SPOCK1: variants seen among roughly 807,000 people sequenced by gnomAD.
SPOCK1 encodes SPARC (osteonectin), cwcv and kazal like domains proteoglycan 1.
Under a neutral mutation model 55.3 loss-of-function variants are expected in SPOCK1, and 23 were observed. The ratio of observed to expected loss-of-function variants is 0.42; its 90% CI spans 0.30 to 0.59. The LOEUF is 0.59. SPOCK1 is among the 20% of genes least tolerant of loss of function. SPOCK1 has a pLI of 0.22. For missense variants in SPOCK1, 499 were observed against 552.5 expected, an observed-to-expected ratio of 0.90 and a Z score of 0.97; for synonymous variants, 226 against 221.0, an observed-to-expected ratio of 1.02 and a Z score of -0.20.
rs1534660 is a variant in SPOCK1 at position 137,442,882 on chromosome 5, T to C, written c.186+55491A>G. Among the ~76,000 whole-genome samples the C allele has an allele frequency of 2.1e-3, 326 of 152,370 alleles. 1 individual carries two copies. The highest frequency in any genetic ancestry group is 7.5e-3 in the African/African-American group (310 of 41,592). ...TCATGTTCCATTTTAAACAGCCTTC[T>C]TGTCCAGGTCCCTGTCATGTGACCT... is the stretch of plus-strand genomic sequence containing the variant. On this transcript the variant is annotated intron_variant, in intron 2 of 10. Coordinates refer to ENST00000394945, the MANE Select transcript of SPOCK1 (RefSeq NM_004598.4).
intron 3 of SPOCK1, among the ~76,000 whole-genome samples, chr5:137,205,082 G>A (rs1009515384): frequency 6.6e-6 from 1 of 152,174 alleles, no homozygotes; most frequent in Non-Finnish European, 1.5e-5. Context: ...CAAGTTTGCT[G>A]AAGTTGATGC....
chr5:137,202,777 T>C (rs1221609213), intron 3 of SPOCK1, among the ~76,000 whole-genome samples: 1 of 152,204 alleles, frequency 6.6e-6, no homozygotes, highest in Non-Finnish European at 1.5e-5. Flanking sequence ...AAAAATAACT[T>C]TGTAAAGGCT....
At chr5:137,444,413 A>T (rs1041254295) in intron 2 of SPOCK1, among the ~76,000 whole-genome samples, 7 of 152,122 alleles carry the variant, frequency 4.6e-5, no homozygotes, top group Non-Finnish European at 7.4e-5. Flanking sequence ...GTAGGTGTCC[A>T]AGGTTTACCA....
chr5:137,357,054 C>T (rs1034422410), intron 2 of SPOCK1, among the ~76,000 whole-genome samples: 1 of 151,270 alleles, frequency 6.6e-6, no homozygotes, highest in African/African-American at 2.4e-5. Context: ...AGCAAAGACT[C>T]CCTTCCCTTT....
At chr5:137,165,797 A>G (rs1754638051) in intron 3 of SPOCK1, among the ~76,000 whole-genome samples, 1 of 152,212 alleles carries the variant, frequency 6.6e-6, no homozygotes, top group Admixed American at 6.5e-5. Context: ...GAGTCTTTTA[A>G]TAGCAGAATT....
chr5:137,250,676 G>A (rs572331008), intron 3 of SPOCK1, among the ~76,000 whole-genome samples: 108 of 151,874 alleles, frequency 7.1e-4, no homozygotes, highest in Admixed American at 1.2e-3. Flanking sequence ...ACACACGGAT[G>A]GCTTCAGTAT....
chr5:137,096,776 C>G (rs1753155319), intron 5 of SPOCK1, among the ~76,000 whole-genome samples: 1 of 152,096 alleles, frequency 6.6e-6, no homozygotes, highest in South Asian at 2.1e-4. Flanking sequence ...ATTTAAAATC[C>G]AGTCTTCTTA....
intron 5 of SPOCK1, among the ~76,000 whole-genome samples, chr5:137,101,681 T>G (rs1753267476): frequency 6.6e-6 from 1 of 152,256 alleles, no homozygotes; most frequent in Admixed American, 6.5e-5. Context: ...ATGGACGATG[T>G]CTGAACATCT....
intron 6 of SPOCK1, among the ~76,000 whole-genome samples, chr5:137,000,178 C>T (rs1580701117): frequency 6.6e-6 from 1 of 152,182 alleles, no homozygotes; most frequent in Admixed American, 6.5e-5. Context: ...AGACCTGATG[C>T]TGATTCTTTC....
At chr5:137,004,200 A>G (rs1455681334) in intron 6 of SPOCK1, among the ~76,000 whole-genome samples, 6 of 152,310 alleles carry the variant, frequency 3.9e-5, no homozygotes, top group African/African-American at 1.2e-4. Context: ...GCCAGAACAG[A>G]ATAATCCTGG....
intron 2 of SPOCK1, among the ~76,000 whole-genome samples, chr5:137,405,075 G>A (rs972024927): frequency 5.9e-5 from 9 of 152,184 alleles, no homozygotes; most frequent in African/African-American, 1.9e-4. Context: ...AAAGATGCAC[G>A]AAGTCTTTGG....
chr5:137,181,552 G>A (rs1271669199), intron 3 of SPOCK1, among the ~76,000 whole-genome samples: 1 of 152,206 alleles, frequency 6.6e-6, no homozygotes, highest in African/African-American at 2.4e-5. Context: ...GGACTTGGAG[G>A]GGCCCCACGG....
chr5:137,365,151 A>G (rs4976350), intron 2 of SPOCK1: 114,059 of 152,406 alleles, frequency 0.75, 42,919 homozygotes, highest in Middle Eastern at 0.89. Flanking sequence ...CTGCTCAGTC[A>G]TCCCCTCTCC....
At chr5:137,152,604 G>C (rs999759024) in intron 3 of SPOCK1, among the ~76,000 whole-genome samples, 7 of 152,170 alleles carry the variant, frequency 4.6e-5, no homozygotes, top group Admixed American at 1.3e-4. Context: ...TATAATGGCA[G>C]CAAAATTCTT....
At chr5:137,419,598 T>C (rs1384159161) in intron 2 of SPOCK1, among the ~76,000 whole-genome samples, 1 of 152,214 alleles carries the variant, frequency 6.6e-6, no homozygotes, top group Non-Finnish European at 1.5e-5. Context: ...TTTGGCTCTC[T>C]GTTTGTCTGT....
At chr5:137,324,359 C>T (rs1192505646) in intron 2 of SPOCK1, among the ~76,000 whole-genome samples, 1 of 151,966 alleles carries the variant, frequency 6.6e-6, no homozygotes, top group Non-Finnish European at 1.5e-5. Flanking sequence ...GCAGGAGAGT[C>T]GCTTGAACCC....
chr5:137,400,897 C>T (rs995956958), intron 2 of SPOCK1, among the ~76,000 whole-genome samples: 2 of 152,174 alleles, frequency 1.3e-5, no homozygotes, highest in South Asian at 2.1e-4. Flanking sequence ...TTCCCACTAC[C>T]CAGAGGGCAG....
At chr5:137,074,736 G>A (rs748852748) in intron 5 of SPOCK1, among the ~76,000 whole-genome samples, 10 of 149,118 alleles carry the variant, frequency 6.7e-5, no homozygotes, top group South Asian at 4.3e-4. Flanking sequence ...ATGGAGTCTC[G>A]CTCTGTCACC....
chr5:137,343,475 C>T (rs1427873510), intron 2 of SPOCK1, among the ~76,000 whole-genome samples: 11 of 152,186 alleles, frequency 7.2e-5, no homozygotes, highest in Admixed American at 2.0e-4. Context: ...GAAGGGCAGA[C>T]GCTTCCCCAG....
Sources: gnomAD v4.1 joint callset for allele counts (sites outside exome capture counted in the v4.1 genomes callset) on GRCh38, gnomAD v4.1.1 for gene constraint, MANE v1.5 for transcripts, NCBI Gene and HGNC (gene_info 2026-07-23, HGNC 2026-07-21) for gene names.